The following DENND4A variants were observed in gnomAD, a reference collection of about 807,000 sequenced individuals.
DENND4A encodes the protein C-myc promoter-binding protein.
In DENND4A, 70 loss-of-function variants were observed where a neutral mutation model predicts 199.3. That is an observed-to-expected ratio of 0.35 (90% CI 0.29 to 0.43). The LOEUF (loss-of-function observed/expected upper bound fraction) is 0.43. Among genes scored for constraint, DENND4A ranks in the 20% least tolerant of loss-of-function variants. The probability of loss-of-function intolerance (pLI) is 1.00; values close to 1 mark genes in which losing one functional copy is unlikely to be tolerated. For missense variants in DENND4A, 1,723 were observed against 2,255.8 expected (o/e 0.76, Z 4.78); for synonymous variants, 686 against 766.9 (o/e 0.89, Z 1.74).
Position 65,763,647 on chromosome 15 carries a change from GCCAGCC to G in DENND4A, c.-101-2215_-101-2210del, listed in dbSNP as rs1442568726. On this transcript the variant is annotated intron_variant, in intron 1 of 32. Transcript: ENST00000443035. ...GCCTTGTTCACACCACTGCACTCCA[GCCAGCC>G]TGAGTGACCAAGCAAGACCTTGTCT... Among the ~76,000 whole-genome samples the G allele has an allele frequency of 3.8e-5, 5 of 130,878 alleles. No homozygotes were observed. In the East Asian group the frequency reaches 1.1e-3, roughly 28 times the overall value. 85.9% of individuals were successfully genotyped at this position (130,878 alleles called of 152,430 possible).
intron 1 of DENND4A, among the ~76,000 whole-genome samples, chr15:65,791,480 A>G (rs550934327): frequency 2.3e-3 from 222 of 94,582 alleles, no homozygotes; most frequent in Admixed American, 4.1e-3. Context: ...AAAAGACTAG[A>G]AAAAAAACTG....
chr15:65,790,066 T>C (rs565963393), intron 1 of DENND4A, among the ~76,000 whole-genome samples: 1 of 152,332 alleles, frequency 6.6e-6, no homozygotes, highest in East Asian at 1.9e-4. Context: ...ATTCTATTAA[T>C]CCCAGCTAAT....
At chr15:65,666,041 G>A (rs781777098) in intron 29 of DENND4A, among the ~76,000 whole-genome samples, 12 of 152,270 alleles carry the variant, frequency 7.9e-5, no homozygotes, top group Non-Finnish European at 1.5e-4. Flanking sequence ...CCAGGGTAAA[G>A]GAATGACGAG....
At chr15:65,746,073 G>A (rs1024803949) in intron 4 of DENND4A, among the ~76,000 whole-genome samples, 2 of 151,566 alleles carry the variant, frequency 1.3e-5, no homozygotes, top group East Asian at 1.9e-4. Context: ...CCCAGGAGGC[G>A]GAGGTTGCGG....
intron 1 of DENND4A, among the ~76,000 whole-genome samples, chr15:65,762,171 C>T (rs185371568): frequency 6.6e-6 from 1 of 152,108 alleles, no homozygotes; most frequent in Non-Finnish European, 1.5e-5. Flanking sequence ...CCATGCCCAG[C>T]TAATTTTGTA....
intron 12 of DENND4A, among the ~76,000 whole-genome samples, chr15:65,720,966 T>TATATATATATATATATATATATATAC (rs2075614666): frequency 8.7e-6 from 1 of 115,204 alleles, no homozygotes; most frequent in African/African-American, 3.2e-5. Context: ...TATATATATA[T>TATATATATATATATATATATATATAC]ATATATATAT....
In DENND4A at chr15:65,660,264, T is replaced by A; in HGVS notation, c.*1587A>T. 2 of 1,532,778 alleles carry A rather than the reference T, an allele frequency of 1.3e-6. No homozygotes were observed. Among genetic ancestry groups the A allele is most frequent in the Non-Finnish European group, 1.7e-6 (2 of 1,144,276 alleles). The allele number at this position is 1,532,778 out of a possible 1,614,324, so 94.9% of individuals were successfully genotyped here. On this transcript the variant is annotated 3_prime_UTR_variant, in exon 33 of 33. Coordinates refer to ENST00000443035, the MANE Select transcript of DENND4A (RefSeq NM_001320835.1). ...TGAAGTTTTACATTTTTAAACTCTCTCCATTATTTCCCAGAGTTGGAAGCT... is the reference window on the plus strand; with the variant it reads ...TGAAGTTTTACATTTTTAAACTCTCACCATTATTTCCCAGAGTTGGAAGCT...
chr15:65,734,408 GA>G (rs542063636), intron 7 of DENND4A, among the ~76,000 whole-genome samples: 122 of 152,280 alleles, frequency 8.0e-4, no homozygotes, highest in Non-Finnish European at 1.5e-3. Flanking sequence ...TTGTGACCCT[GA>G]CACATCCCCC....
At chr15:65,704,681 C>A (rs2074992245) in intron 15 of DENND4A, among the ~76,000 whole-genome samples, 1 of 152,194 alleles carries the variant, frequency 6.6e-6, no homozygotes, top group Non-Finnish European at 1.5e-5. Flanking sequence ...ACCTCCACCT[C>A]CCCGGTTCAA....
At chr15:65,779,553 A>C (rs530674891) in intron 1 of DENND4A, among the ~76,000 whole-genome samples, 6 of 152,208 alleles carry the variant, frequency 3.9e-5, no homozygotes, top group African/African-American at 1.4e-4. Context: ...TGTGTGGCAC[A>C]ATCATAGCTC....
intron 13 of DENND4A, among the ~76,000 whole-genome samples, chr15:65,716,683 G>C (rs1206355981): frequency 1.3e-5 from 2 of 151,770 alleles, no homozygotes; most frequent in Admixed American, 1.3e-4. Flanking sequence ...CTTTGTTATT[G>C]TGAATAGTGC....
At chr15:65,683,777 C>T (rs900434121) in intron 23 of DENND4A, among the ~76,000 whole-genome samples, 1 of 152,144 alleles carries the variant, frequency 6.6e-6, no homozygotes, top group African/African-American at 2.4e-5. Flanking sequence ...CATATTAAGT[C>T]TACAATTCAA....
chr15:65,709,719 A>AAAAAAAAAAAAAAATATATAT (rs1218030026), intron 14 of DENND4A, among the ~76,000 whole-genome samples: 3 of 51,474 alleles, frequency 5.8e-5, no homozygotes, highest in East Asian at 3.8e-3. Flanking sequence ...AAAAAAAAAA[A>AAAAAAAAAAAAAAATATATAT]ATATATATAT....
At chr15:65,756,054 A>C (rs2076692559) in intron 3 of DENND4A, 86 bp downstream of exon 3, 1 of 1,177,870 alleles carries the variant, frequency 8.5e-7, no homozygotes, top group African/African-American at 1.6e-5. Flanking sequence ...TACATCTATT[A>C]ATGACCAGAA....
chr15:65,700,522 G>T (rs1278524455), intron 20 of DENND4A, 22 bp downstream of exon 20: 4 of 1,350,488 alleles, frequency 3.0e-6, no homozygotes, highest in Non-Finnish European at 3.9e-6. Context: ...TATAATAAAT[G>T]TATACATAAG....
chr15:65,719,231 T>C (rs187301899), intron 12 of DENND4A: 7 of 152,636 alleles, frequency 4.6e-5, no homozygotes, highest in African/African-American at 1.7e-4. Flanking sequence ...GTCTTACATA[T>C]TGAAAACAGA....
intron 15 of DENND4A, 114 bp from the exon 16 acceptor site, chr15:65,703,122 ACTAT>A: frequency 1.1e-6 from 1 of 940,562 alleles, no homozygotes; most frequent in Non-Finnish European, 1.5e-6. Context: ...ATAGAATTTA[ACTAT>A]CTTTCTTTGT....
At chr15:65,745,293 A>T (rs2076359306) in intron 4 of DENND4A, among the ~76,000 whole-genome samples, 1 of 152,206 alleles carries the variant, frequency 6.6e-6, no homozygotes, top group South Asian at 2.1e-4. Flanking sequence ...CTCTTATTTA[A>T]AACACACAAT....
At chr15:65,749,651 T>C (rs912702369) in intron 4 of DENND4A, among the ~76,000 whole-genome samples, 4 of 151,674 alleles carry the variant, frequency 2.6e-5, no homozygotes, top group African/African-American at 4.8e-5. Context: ...TTAATAAATA[T>C]ATTACAATAT....
Sources: allele counts gnomAD v4.1 joint callset (sites outside exome capture counted in the v4.1 genomes callset), GRCh38; gene constraint gnomAD v4.1.1; transcripts MANE v1.5; gene names NCBI Gene and HGNC (gene_info 2026-07-23, HGNC 2026-07-21).